ABCC3: variants seen among roughly 807,000 people sequenced by gnomAD.
The protein encoded by ABCC3 is ATP-binding cassette sub-family C member 3.
A neutral mutation model predicts 165.3 loss-of-function variants in ABCC3; 121 were observed. The observed-to-expected ratio is 0.73, with a 90% CI of 0.63 to 0.85. The LOEUF (loss-of-function observed/expected upper bound fraction) is 0.85, where lower values mean the gene tolerates loss of function less well. Among genes scored for constraint, ABCC3 ranks in the 40% least tolerant of loss-of-function variants. The pLI is 0.00. For synonymous variants in ABCC3, 733 were observed against 810.1 expected (o/e 0.90, Z 1.62); for missense variants, 1,869 against 1,964.1 (o/e 0.95, Z 0.92).
intron 26 of ABCC3, among the ~76,000 whole-genome samples, chr17:50,680,389 C>T (rs972940710): frequency 3.9e-5 from 6 of 152,090 alleles, no homozygotes; most frequent in African/African-American, 9.7e-5. Flanking sequence ...GGAGTTGTTC[C>T]CTACTGGGGG....
chr17:50,675,162 G>A (rs755634924), intron 19 of ABCC3, among the ~76,000 whole-genome samples, 200 bp from the exon 20 acceptor site: 1 of 152,144 alleles, frequency 6.6e-6, no homozygotes, highest in Non-Finnish European at 1.5e-5. Flanking sequence ...CCTTGTATTT[G>A]AGTCCGTTTC....
chr17:50,642,318 G>A (rs1966907654), intron 1 of ABCC3, among the ~76,000 whole-genome samples: 1 of 152,230 alleles, frequency 6.6e-6, no homozygotes, highest in South Asian at 2.1e-4. Flanking sequence ...GCCTGTGTGG[G>A]CGGGTACCCC....
intron 25 of ABCC3, chr17:50,679,536 A>T (rs1967889959): frequency 3.7e-6 from 1 of 268,704 alleles, no homozygotes. Flanking sequence ...TTCTCTGGGA[A>T]GTCTTATACA....
intron 7 of ABCC3, among the ~76,000 whole-genome samples, chr17:50,660,557 A>G (rs1967354651): frequency 6.6e-6 from 1 of 150,566 alleles, no homozygotes; most frequent in Non-Finnish European, 1.5e-5. Flanking sequence ...CCTCCATGCC[A>G]CTCCACCCCC....
chr17:50,641,073 A>C (rs1423289803), intron 1 of ABCC3, among the ~76,000 whole-genome samples: 1 of 152,218 alleles, frequency 6.6e-6, no homozygotes, highest in Admixed American at 6.5e-5. Flanking sequence ...AGTCCCTGGC[A>C]AAGCTGGGGC....
chr17:50,651,007 G>A (rs76641380), intron 1 of ABCC3, among the ~76,000 whole-genome samples: 1 of 140,226 alleles, frequency 7.1e-6, no homozygotes, highest in South Asian at 2.3e-4. Flanking sequence ...GGAGGTTGCA[G>A]TGAGTCAAGA....
Position 50,691,207 on chromosome 17 carries a change from T to C in ABCC3, c.*7T>C, listed in dbSNP as rs1374218004. 1.3e-6 allele frequency: 2 copies of C among 1,596,836 alleles called. No individual in the cohort carries two copies. The highest frequency in any genetic ancestry group is 1.7e-6 in the Non-Finnish European group (2 of 1,164,412). The stretch of plus-strand genomic sequence containing the variant: ...AGATGCTGGACTTGCCTAAAATATA[T>C]TCCTGAGATTTCCTCCTGGCCTTTC... On this transcript the variant is annotated 3_prime_UTR_variant, in exon 31 of 31. Coordinates refer to ENST00000285238, the MANE Select transcript of ABCC3 (RefSeq NM_003786.4).
At chr17:50,661,342 G>A (rs986420570) in intron 8 of ABCC3, among the ~76,000 whole-genome samples, 4 of 152,252 alleles carry the variant, frequency 2.6e-5, no homozygotes, top group African/African-American at 9.6e-5. Flanking sequence ...ACCGTGGTGT[G>A]TACGTTAACA....
intron 19 of ABCC3, among the ~76,000 whole-genome samples, chr17:50,674,056 C>T (rs1339134081): frequency 3.8e-5 from 2 of 52,450 alleles, no homozygotes; most frequent in African/African-American, 8.4e-5. Flanking sequence ...TTCTTTCTTT[C>T]TTTCTTTCTT....
Position 50,691,074 on chromosome 17 carries a change from T to C in ABCC3, c.4476-18T>C, listed in dbSNP as rs771603985. On this transcript the variant is annotated intron_variant, in intron 30 of 30. Coordinates refer to ENST00000285238, the MANE Select transcript of ABCC3 (RefSeq NM_003786.4). ...CAGGGCTGATGGAAACCTGACCACTTCTCTCTTTTTTGACTAGGGTCCTGG... is the reference window on the plus strand; with the variant it reads ...CAGGGCTGATGGAAACCTGACCACTCCTCTCTTTTTTGACTAGGGTCCTGG... The C allele has an allele frequency of 6.2e-7, 1 of 1,600,946 alleles. No individual in the cohort carries two copies. The highest frequency in any genetic ancestry group is 8.6e-7 in the Non-Finnish European group (1 of 1,168,088).
chr17:50,671,394 C>T (rs995388702), intron 17 of ABCC3, among the ~76,000 whole-genome samples: 9 of 152,126 alleles, frequency 5.9e-5, no homozygotes, highest in African/African-American at 2.2e-4. Context: ...GCCTATTAAG[C>T]AACTCCTCAT....
intron 17 of ABCC3, among the ~76,000 whole-genome samples, chr17:50,671,187 C>T (rs1228125200): frequency 6.7e-6 from 1 of 150,372 alleles, no homozygotes; most frequent in African/African-American, 2.5e-5. Context: ...GCCCAGGAGG[C>T]GGAGGTTGCA....
chr17:50,640,692 T>A (rs193300608), intron 1 of ABCC3, among the ~76,000 whole-genome samples: 236 of 152,292 alleles, frequency 1.5e-3, no homozygotes, highest in African/African-American at 3.5e-3. Context: ...ATAATTTTTT[T>A]AAATATTTTT....
chr17:50,658,606 AC>A (rs1210168557), intron 6 of ABCC3, 110 bp downstream of exon 6: 11 of 1,209,062 alleles, frequency 9.1e-6, no homozygotes, highest in Non-Finnish European at 8.5e-6. Flanking sequence ...CACCTATCCC[AC>A]CCCCCACCGC....
At chr17:50,644,092 C>G (rs1966947092) in intron 1 of ABCC3, among the ~76,000 whole-genome samples, 1 of 151,696 alleles carries the variant, frequency 6.6e-6, no homozygotes, top group African/African-American at 2.4e-5. Context: ...GCGGGCGGAT[C>G]ACAAGGTCAG....
At position 50,668,489 on chromosome 17, in the gene ABCC3, G is replaced by C. The variant is rs1967573154; in HGVS notation, c.1842G>C (p.Gln614His). Reference sequence around the variant, plus strand: ...TGAGCCAAGAGGAACTTGACCCCCAGAGTGTGGAAAGAAAGACCATCTCCC... The same window carrying C: ...TGAGCCAAGAGGAACTTGACCCCCACAGTGTGGAAAGAAAGACCATCTCCC... ...QFLSQEELDP[Q>H]SVERKTISPG... The change falls in exon 14 of 31, where the codon CAG (glutamine) becomes CAC (histidine). Residue 614 changes from glutamine to histidine, a missense_variant. Coordinates refer to ENST00000285238, the MANE Select transcript of ABCC3 (RefSeq NM_003786.4). 13 of 1,614,026 alleles carry C rather than the reference G, an allele frequency of 8.1e-6. No homozygotes were observed. In the East Asian group the frequency reaches 2.9e-4, roughly 36 times the overall value.
intron 14 of ABCC3, 25 bp downstream of exon 14, chr17:50,668,542 G>T (rs1967574211): frequency 1.9e-6 from 3 of 1,565,816 alleles, no homozygotes; most frequent in African/African-American, 2.7e-5. Context: ...TACCTGGGCT[G>T]CCTGCCCCAG....
intron 1 of ABCC3, 136 bp downstream of exon 1, chr17:50,635,117 G>C (rs1423808823): frequency 1.0e-6 from 1 of 954,604 alleles, no homozygotes; most frequent in East Asian, 3.3e-5. Flanking sequence ...GCGCCCGGGA[G>C]GGGGCGATGG....
chr17:50,668,053 G>A (rs557137350), intron 13 of ABCC3, 44 bp downstream of exon 13: 17 of 1,563,874 alleles, frequency 1.1e-5, no homozygotes, highest in South Asian at 2.2e-5. Flanking sequence ...GTTGGAACAG[G>A]TTGTTGGGGT....
Sources: gnomAD v4.1 joint callset for allele counts (sites outside exome capture counted in the v4.1 genomes callset) on GRCh38, gnomAD v4.1.1 for gene constraint, MANE v1.5 for transcripts, NCBI Gene and HGNC (gene_info 2026-07-23, HGNC 2026-07-21) for gene names.